Variants in GRID2 observed in about 807,000 individuals in gnomAD.
GRID2 encodes the protein glutamate ionotropic receptor delta type subunit 2.
GRID2 carries 33 observed loss-of-function variants against 114.8 expected under a neutral mutation model. The observed-to-expected ratio is 0.29, with a 90% CI of 0.22 to 0.38. The LOEUF (loss-of-function observed/expected upper bound fraction) is 0.38. GRID2 is among the 10% of genes least tolerant of loss of function. The probability of loss-of-function intolerance (pLI) is 1.00; values close to 1 mark genes in which losing one functional copy is unlikely to be tolerated. For synonymous variants in GRID2, 505 were observed against 449.9 expected, an observed-to-expected ratio of 1.12 and a Z score of -1.55; for missense variants, 1,184 against 1,257.7, an observed-to-expected ratio of 0.94 and a Z score of 0.89.
At chr4:92,776,026 A>T (rs1738775991) in intron 2 of GRID2, among the ~76,000 whole-genome samples, 3 of 152,202 alleles carry the variant, frequency 2.0e-5, no homozygotes, top group Non-Finnish European at 4.4e-5. Flanking sequence ...TAGGAAGGCC[A>T]TATGATTCTG....
chr4:92,486,578 C>CACACAT (rs1553940875), intron 1 of GRID2, among the ~76,000 whole-genome samples: 7 of 151,114 alleles, frequency 4.6e-5, no homozygotes, highest in Non-Finnish European at 7.4e-5. Context: ...CACACACACA[C>CACACAT]ACACACACAC....
chr4:93,231,134 T>C (rs1746086112), intron 7 of GRID2, among the ~76,000 whole-genome samples: 1 of 152,050 alleles, frequency 6.6e-6, no homozygotes, highest in Admixed American at 6.6e-5. Flanking sequence ...ATTTGCCCAG[T>C]GCAGATCTAC....
intron 8 of GRID2, among the ~76,000 whole-genome samples, chr4:93,245,227 G>T (rs578238542): frequency 4.9e-4 from 74 of 152,166 alleles, no homozygotes; most frequent in African/African-American, 1.7e-3. Context: ...AGTATTTAAT[G>T]AATGAACTAA....
chr4:93,657,620 C>T (rs1233971155), intron 14 of GRID2, among the ~76,000 whole-genome samples: 1 of 152,026 alleles, frequency 6.6e-6, no homozygotes, highest in Non-Finnish European at 1.5e-5. Flanking sequence ...ACCAAAGGCT[C>T]AAGCGTAGAT....
intron 2 of GRID2, among the ~76,000 whole-genome samples, chr4:93,075,883 CTTTTTTTTTTTTTTTTTTTTTTT>C (rs10706922): frequency 2.6e-5 from 2 of 76,604 alleles, no homozygotes; most frequent in African/African-American, 1.1e-4. Context: ...AGTTACCTCT[CTTTTTTTTTTTTTTTTTTTTTTT>C]TTTTTTTTTT....
chr4:92,359,484 G>T (rs896056439), intron 1 of GRID2, among the ~76,000 whole-genome samples: 1 of 151,944 alleles, frequency 6.6e-6, no homozygotes, highest in African/African-American at 2.4e-5. Flanking sequence ...GTTTAAGGAT[G>T]TAATTCACAG....
chr4:92,958,100 A>G (rs1049561024), intron 2 of GRID2, among the ~76,000 whole-genome samples: 5 of 152,042 alleles, frequency 3.3e-5, no homozygotes, highest in African/African-American at 1.2e-4. Flanking sequence ...ACCTGTGTAC[A>G]AAGACACTTT....
intron 2 of GRID2, among the ~76,000 whole-genome samples, chr4:92,784,988 C>G (rs997421287): frequency 2.0e-5 from 3 of 151,244 alleles, no homozygotes; most frequent in South Asian, 2.1e-4. Context: ...ATCATAAATC[C>G]TTTTAGAATG....
chr4:93,243,107 A>T (rs1747735680), intron 8 of GRID2, among the ~76,000 whole-genome samples: 1 of 151,704 alleles, frequency 6.6e-6, no homozygotes, highest in South Asian at 2.1e-4. Context: ...GACACTTGAA[A>T]TTTTTTTTGC....
intron 14 of GRID2, among the ~76,000 whole-genome samples, chr4:93,691,029 T>C (rs966062534): frequency 6.6e-6 from 1 of 150,458 alleles, no homozygotes; most frequent in Non-Finnish European, 1.5e-5. Context: ...GTATTTAGTC[T>C]GCTTGACTTT....
At chr4:92,635,350 T>G (rs1268579882) in intron 2 of GRID2, among the ~76,000 whole-genome samples, 1 of 152,104 alleles carries the variant, frequency 6.6e-6, no homozygotes, top group South Asian at 2.1e-4. Flanking sequence ...ACTCCCGATA[T>G]TTGTAACTTA....
chr4:92,549,038 C>G (rs1726435694), intron 1 of GRID2, among the ~76,000 whole-genome samples: 1 of 139,582 alleles, frequency 7.2e-6, no homozygotes, highest in South Asian at 2.3e-4. Flanking sequence ...TACATGTATC[C>G]AAAACATGTT....
chr4:93,128,873 T>A (rs1209467443), intron 4 of GRID2, among the ~76,000 whole-genome samples: 1 of 152,200 alleles, frequency 6.6e-6, no homozygotes, highest in East Asian at 1.9e-4. Context: ...CCGAATTTGA[T>A]GAGTAGAACT....
chr4:92,312,435 G>C (rs1725754609), intron 1 of GRID2, among the ~76,000 whole-genome samples: 1 of 152,036 alleles, frequency 6.6e-6, no homozygotes, highest in African/African-American at 2.4e-5. Context: ...TCAGATTGTG[G>C]ACATAATGTG....
Position 93,344,984 on chromosome 4 carries a change from AGTGTGTGT to A in GRID2, c.1246-50592_1246-50585del, listed in dbSNP as rs35018148. On this transcript the variant is annotated intron_variant, in intron 8 of 15. Transcript: ENST00000282020. Reference sequence around the variant, plus strand: ...CTTTTTAAAGGCTGAGTTGTATTCTAGTGTGTGTGTGTGTGTGTGTGTGTGTGTGTGTG... The same window carrying A: ...CTTTTTAAAGGCTGAGTTGTATTCTAGTGTGTGTGTGTGTGTGTGTGTGTG... Among the ~76,000 whole-genome samples the A allele has an allele frequency of 1.2e-3, 177 of 142,496 alleles. 1 individual carries two copies. The highest frequency in any genetic ancestry group is 5.8e-3 in the South Asian group (25 of 4,314). The allele number at this position is 142,496 out of a possible 152,430, so 93.5% of individuals were successfully genotyped here. A position where few individuals can be genotyped will look rare whatever the true frequency, so the allele number is the denominator to read the frequency against.
intron 2 of GRID2, among the ~76,000 whole-genome samples, chr4:92,832,829 T>C (rs1370896377): frequency 2.0e-5 from 3 of 152,168 alleles, no homozygotes; most frequent in African/African-American, 7.2e-5. Flanking sequence ...TTTAGTCCTG[T>C]TATTTGCCTG....
chr4:92,396,633 G>A (rs1191080613), intron 1 of GRID2, among the ~76,000 whole-genome samples: 2 of 151,986 alleles, frequency 1.3e-5, no homozygotes, highest in Non-Finnish European at 2.9e-5. Context: ...TAACAATAAA[G>A]ATAGCATGTA....
At chr4:92,374,107 G>A (rs1729244474) in intron 1 of GRID2, among the ~76,000 whole-genome samples, 6 of 152,114 alleles carry the variant, frequency 3.9e-5, no homozygotes, top group Admixed American at 3.9e-4. Flanking sequence ...TAATCTGAGA[G>A]ACTGTTTCTT....
intron 2 of GRID2, among the ~76,000 whole-genome samples, chr4:92,936,225 C>T (rs1750663359): frequency 6.9e-6 from 1 of 145,656 alleles, no homozygotes; most frequent in East Asian, 2.2e-4. Flanking sequence ...CTTTTGACAC[C>T]AATTTGATCT....
Sources: allele counts gnomAD v4.1 joint callset (sites outside exome capture counted in the v4.1 genomes callset), GRCh38; gene constraint gnomAD v4.1.1; transcripts MANE v1.5; gene names NCBI Gene and HGNC (gene_info 2026-07-23, HGNC 2026-07-21).